The following SLC6A15 variants were observed in gnomAD, a reference collection of about 807,000 sequenced individuals.
The protein encoded by SLC6A15 is solute carrier family 6 member 15.
Under a neutral mutation model 68.5 loss-of-function variants are expected in SLC6A15, and 33 were observed. That is an observed-to-expected ratio of 0.48 (90% confidence interval 0.37 to 0.64). SLC6A15 has a LOEUF of 0.64. Among genes scored for constraint, SLC6A15 ranks in the 30% least tolerant of loss-of-function variants. SLC6A15 has a pLI of 0.00. For synonymous variants in SLC6A15, 347 were observed against 301.0 expected, an observed-to-expected ratio of 1.15 and a Z score of -1.58; for missense variants, 747 against 874.3, an observed-to-expected ratio of 0.85 and a Z score of 1.84.
intron 6 of SLC6A15, among the ~76,000 whole-genome samples, chr12:84,874,070 G>T (rs911137722): frequency 3.3e-5 from 5 of 152,196 alleles, no homozygotes; most frequent in African/African-American, 7.2e-5. Flanking sequence ...TTAATAAACA[G>T]TTCCTTTTGA....
chr12:84,869,850 G>GT (rs1871213894), intron 9 of SLC6A15, among the ~76,000 whole-genome samples: 1 of 152,048 alleles, frequency 6.6e-6, no homozygotes, highest in Non-Finnish European at 1.5e-5. Context: ...TTGGAGAAGA[G>GT]TTTTTTATAT....
Position 84,867,203 on chromosome 12 carries a change from A to G in SLC6A15, c.1496-10T>C, listed in dbSNP as rs1245579526. On this transcript the variant is annotated splice_polypyrimidine_tract_variant and intron_variant, in intron 9 of 11. Coordinates refer to ENST00000266682, the MANE Select transcript of SLC6A15 (RefSeq NM_182767.6). ...AGAAGACAACAGATAACTAGACAAA[A>G]GAAATAAATGAAAAAATGAGACTCT... 1 of 1,569,190 alleles carries G rather than the reference A, an allele frequency of 6.4e-7. No individual in the cohort carries two copies. The highest frequency in any genetic ancestry group is 1.4e-5 in the African/African-American group (1 of 72,854).
chr12:84,874,315 A>C (rs560514445), intron 6 of SLC6A15, among the ~76,000 whole-genome samples: 7 of 152,322 alleles, frequency 4.6e-5, no homozygotes, highest in African/African-American at 1.7e-4. Flanking sequence ...TGTACCACTT[A>C]CCACGGTGCC....
At chr12:84,863,392 C>A (rs761893263) in intron 11 of SLC6A15, 47 bp downstream of exon 11, 13 of 1,456,348 alleles carry the variant, frequency 8.9e-6, no homozygotes, top group Non-Finnish European at 1.1e-5. Context: ...TCTAAAAAAG[C>A]TTTTTATATA....
intron 1 of SLC6A15, among the ~76,000 whole-genome samples, chr12:84,893,111 A>G (rs1055540292): frequency 1.3e-5 from 2 of 152,174 alleles, no homozygotes; most frequent in East Asian, 1.9e-4. Context: ...ATTTATTGTG[A>G]TGAGGCTTTA....
intron 11 of SLC6A15, among the ~76,000 whole-genome samples, chr12:84,863,208 G>C (rs1870923349): frequency 6.6e-6 from 1 of 152,148 alleles, no homozygotes; most frequent in African/African-American, 2.4e-5. Context: ...GGATATATCT[G>C]CTTTAATAAG....
At chr12:84,895,269 A>G (rs1872589769) in intron 1 of SLC6A15, among the ~76,000 whole-genome samples, 1 of 151,686 alleles carries the variant, frequency 6.6e-6, no homozygotes, top group Non-Finnish European at 1.5e-5. Context: ...GAATGAACCG[A>G]AAGGTTTAAA....
At chr12:84,869,768 T>C (rs907261652) in intron 9 of SLC6A15, among the ~76,000 whole-genome samples, 2 of 152,212 alleles carry the variant, frequency 1.3e-5, no homozygotes, top group Non-Finnish European at 2.9e-5. Flanking sequence ...GTAAAATCCA[T>C]TATGCTATCA....
chr12:84,898,963 C>T (rs1047958179), intron 1 of SLC6A15, among the ~76,000 whole-genome samples: 19 of 152,292 alleles, frequency 1.2e-4, no homozygotes, highest in African/African-American at 4.3e-4. Context: ...TTCTTGAATT[C>T]GGTCCTGCAC....
At chr12:84,906,808 A>C (rs1376693627) in intron 1 of SLC6A15, among the ~76,000 whole-genome samples, 4 of 152,172 alleles carry the variant, frequency 2.6e-5, no homozygotes, top group African/African-American at 4.8e-5. Context: ...ACTTAAGTGG[A>C]AAATATAAAA....
intron 1 of SLC6A15, among the ~76,000 whole-genome samples, chr12:84,896,995 A>G (rs1304182163): frequency 6.6e-6 from 1 of 152,140 alleles, no homozygotes; most frequent in Non-Finnish European, 1.5e-5. Flanking sequence ...GTTCGAGGCC[A>G]TACTGGCCAA....
chr12:84,898,038 A>G (rs1180122433), intron 1 of SLC6A15, among the ~76,000 whole-genome samples: 1 of 152,192 alleles, frequency 6.6e-6, no homozygotes, highest in Non-Finnish European at 1.5e-5. Context: ...AGGAAGTAAT[A>G]GATACTGTGT....
At chr12:84,873,469 T>C in intron 6 of SLC6A15, 141 bp from the exon 7 acceptor site, 1 of 999,376 alleles carries the variant, frequency 1.0e-6, no homozygotes, top group Non-Finnish European at 1.4e-6. Flanking sequence ...AATATGTTCT[T>C]AAGCATAAAC....
rs1282288201 is a variant in SLC6A15 at position 84,861,301 on chromosome 12, TA to T, written c.*330del. The T allele has an allele frequency of 1.0e-5, 2 of 197,156 alleles. No individual in the cohort carries two copies. The highest frequency in any genetic ancestry group is 2.1e-5 in the Non-Finnish European group (2 of 96,322). The allele number at this position is 197,156 out of a possible 1,614,324, so 12.2% of individuals were successfully genotyped here. ...TACCATTTTTAATTGTCAACACTAC[TA>T]AACCCAGAAATTATTAGAAACTGAG... On this transcript the variant is annotated 3_prime_UTR_variant, in exon 12 of 12. Coordinates refer to ENST00000266682, the MANE Select transcript of SLC6A15 (RefSeq NM_182767.6).
chr12:84,860,293 C>G lies in SLC6A15; in HGVS notation c.*1339G>C, dbSNP rs1256128723. ...AAATGAAAGATTTTTAACTAGAGGACACTCAGTGAGGTTCCTCTGCTCTAT... is the reference window on the plus strand; with the variant it reads ...AAATGAAAGATTTTTAACTAGAGGAGACTCAGTGAGGTTCCTCTGCTCTAT... On this transcript the variant is annotated 3_prime_UTR_variant, in exon 12 of 12. Transcript: ENST00000266682. 1 of 152,000 alleles carries G rather than the reference C, an allele frequency of 6.6e-6. No homozygotes were observed. The highest frequency in any genetic ancestry group is 2.4e-5 in the African/African-American group (1 of 41,434). 9.4% of individuals were successfully genotyped at this position (152,000 alleles called of 1,614,324 possible).
At chr12:84,869,275 C>A (rs917533452) in intron 9 of SLC6A15, among the ~76,000 whole-genome samples, 25 of 151,888 alleles carry the variant, frequency 1.6e-4, no homozygotes, top group African/African-American at 5.8e-4. Context: ...CTGGCTAACA[C>A]GGTGAAACCC....
chr12:84,865,685 A>G (rs982751890), intron 10 of SLC6A15, among the ~76,000 whole-genome samples: 1 of 152,168 alleles, frequency 6.6e-6, no homozygotes, highest in Non-Finnish European at 1.5e-5. Context: ...TACCTTTTCC[A>G]TATTATAATA....
intron 2 of SLC6A15, among the ~76,000 whole-genome samples, chr12:84,888,247 G>A (rs1447781760): frequency 1.3e-5 from 1 of 75,392 alleles, no homozygotes; most frequent in Non-Finnish European, 3.0e-5. Context: ...CTCGGTGACA[G>A]AGTGAGACCT....
chr12:84,909,717 T>C (rs1439250264), intron 1 of SLC6A15, among the ~76,000 whole-genome samples: 1 of 152,140 alleles, frequency 6.6e-6, no homozygotes, highest in Non-Finnish European at 1.5e-5. Flanking sequence ...AACATACTCT[T>C]CCACAAGGTG....
Sources: allele counts gnomAD v4.1 joint callset (sites outside exome capture counted in the v4.1 genomes callset), GRCh38; gene constraint gnomAD v4.1.1; transcripts MANE v1.5; gene names NCBI Gene and HGNC (gene_info 2026-07-23, HGNC 2026-07-21).